The following DPH6 variants were observed in gnomAD, a reference collection of about 807,000 sequenced individuals.
DPH6 encodes diphthine--ammonia ligase.
DPH6 carries 33 observed loss-of-function variants against 38.2 expected under a neutral mutation model. The observed-to-expected ratio is 0.86, with a 90% confidence interval of 0.65 to 1.15. The LOEUF (loss-of-function observed/expected upper bound fraction) is 1.15. Among genes scored for constraint, DPH6 ranks in the 50% most tolerant of loss-of-function variants. The pLI, the probability that DPH6 is intolerant of heterozygous loss-of-function variation, is 0.00. For missense variants in DPH6, 325 were observed against 320.0 expected (o/e 1.02, Z -0.12); for synonymous variants, 108 against 103.0 (o/e 1.05, Z -0.30).
At chr15:35,311,857 T>C (rs1375063825) in intron 3 of DPH6, among the ~76,000 whole-genome samples, 1 of 152,174 alleles carries the variant, frequency 6.6e-6, no homozygotes, top group Non-Finnish European at 1.5e-5. Flanking sequence ...ATGCCAAGGA[T>C]GCTGCAGAAA....
At chr15:35,280,660 TG>T (rs2051892413) in intron 3 of DPH6, among the ~76,000 whole-genome samples, 1 of 152,208 alleles carries the variant, frequency 6.6e-6, no homozygotes, top group African/African-American at 2.4e-5. Context: ...ATATTAAAGG[TG>T]CAAATTTCAA....
chr15:35,177,049 TA>T, the DPH6 span, among the ~76,000 whole-genome samples: 1 of 152,202 alleles, frequency 6.6e-6, no homozygotes, highest in African/African-American at 2.4e-5. Flanking sequence ...CAATGAATGC[TA>T]CTATTCCACT....
At chr15:35,512,830 A>G (rs1309670176) in intron 3 of DPH6, among the ~76,000 whole-genome samples, 1 of 152,180 alleles carries the variant, frequency 6.6e-6, no homozygotes, top group Non-Finnish European at 1.5e-5. Flanking sequence ...CTTAAAAATA[A>G]TCATATACTT....
the DPH6 span, among the ~76,000 whole-genome samples, chr15:35,161,611 C>T: frequency 6.6e-6 from 1 of 151,912 alleles, no homozygotes; most frequent in Non-Finnish European, 1.5e-5. Context: ...TAAGGTTAGA[C>T]AAGGTCATGA....
chr15:35,250,790 G>C (rs73391463), intron 3 of DPH6, among the ~76,000 whole-genome samples: 1 of 152,196 alleles, frequency 6.6e-6, no homozygotes, highest in African/African-American at 2.4e-5. Context: ...TATTAGAAGT[G>C]CTTTAGCAGA....
chr15:35,488,505 G>T (rs1182852461), intron 3 of DPH6, among the ~76,000 whole-genome samples: 1 of 152,148 alleles, frequency 6.6e-6, no homozygotes, highest in African/African-American at 2.4e-5. Context: ...GAGAGCGAGT[G>T]AGCAAGAAGT....
chr15:35,236,640 CAAAAAAAA>C (rs373551575), intron 3 of DPH6, among the ~76,000 whole-genome samples: 1 of 101,726 alleles, frequency 9.8e-6, no homozygotes, highest in East Asian at 2.7e-4. Flanking sequence ...GACTCCATCT[CAAAAAAAA>C]AAAAAAGAAA....
chr15:35,173,620 A>G, the DPH6 span, among the ~76,000 whole-genome samples: 3 of 151,574 alleles, frequency 2.0e-5, no homozygotes, highest in Admixed American at 2.0e-4. Context: ...CAAACTTCTT[A>G]GCATGACTCA....
At chr15:35,301,343 C>G (rs577760791) in intron 3 of DPH6, among the ~76,000 whole-genome samples, 1 of 152,218 alleles carries the variant, frequency 6.6e-6, no homozygotes, top group East Asian at 1.9e-4. Context: ...TAACATGATG[C>G]CTTAAGAATG....
chr15:35,290,808 CTT>C (rs556815981), intron 3 of DPH6, among the ~76,000 whole-genome samples: 1 of 145,880 alleles, frequency 6.9e-6, no homozygotes. Flanking sequence ...TTGTGTGATA[CTT>C]TTTTTTTTTG....
At chr15:35,280,741 C>T (rs1429684669) in intron 3 of DPH6, among the ~76,000 whole-genome samples, 1 of 152,110 alleles carries the variant, frequency 6.6e-6, no homozygotes, top group Non-Finnish European at 1.5e-5. Context: ...AAAATTTTCT[C>T]TTTTATGTTC....
At chr15:35,308,534 T>C (rs1200432927) in intron 3 of DPH6, among the ~76,000 whole-genome samples, 1 of 152,102 alleles carries the variant, frequency 6.6e-6, no homozygotes, top group Admixed American at 6.6e-5. Flanking sequence ...AATCTCTTAA[T>C]TTAAGTGCCT....
chr15:35,262,249 G>A (rs2051751680), intron 3 of DPH6, among the ~76,000 whole-genome samples: 1 of 151,844 alleles, frequency 6.6e-6, no homozygotes, highest in Non-Finnish European at 1.5e-5. Context: ...TTTAAAAAGT[G>A]GTATCACAAT....
the DPH6 span, among the ~76,000 whole-genome samples, chr15:35,205,644 C>T: frequency 6.6e-6 from 1 of 151,782 alleles, no homozygotes; most frequent in Non-Finnish European, 1.5e-5. Context: ...TTTATATTTC[C>T]AATTGTCTTT....
At chr15:35,478,366 T>TACACACACACAC (rs66521447) in intron 3 of DPH6, among the ~76,000 whole-genome samples, 8 of 142,060 alleles carry the variant, frequency 5.6e-5, no homozygotes, top group African/African-American at 2.2e-4. Context: ...TACCCACACA[T>TACACACACACAC]ACACACACAC....
At chr15:35,200,406 G>T in the DPH6 span, among the ~76,000 whole-genome samples, 2 of 152,050 alleles carry the variant, frequency 1.3e-5, no homozygotes, top group Non-Finnish European at 2.9e-5. Flanking sequence ...TTAGATACTA[G>T]CATTGAAACT....
exon 4 of DPH6, chr15:35,219,116 G>GAC (rs2051427096): frequency 6.6e-6 from 1 of 152,130 alleles, no homozygotes; most frequent in African/African-American, 2.4e-5. Context: ...GTCACAAAGT[G>GAC]TAGTCTTCTC....
chr15:35,198,010 T>A, the DPH6 span, among the ~76,000 whole-genome samples: 1 of 152,152 alleles, frequency 6.6e-6, no homozygotes, highest in Non-Finnish European at 1.5e-5. Flanking sequence ...TAAGACCTCA[T>A]GGCACATATT....
intron 3 of DPH6, among the ~76,000 whole-genome samples, chr15:35,310,251 TCC>T (rs1372361458): frequency 3.3e-5 from 5 of 152,184 alleles, no homozygotes; most frequent in African/African-American, 1.2e-4. Context: ...CACTAGGCAT[TCC>T]CCATGCTGTC....
Sources: gnomAD v4.1 joint callset for allele counts (sites outside exome capture counted in the v4.1 genomes callset) on GRCh38, gnomAD v4.1.1 for gene constraint, MANE v1.5 for transcripts, NCBI Gene and HGNC (gene_info 2026-07-23, HGNC 2026-07-21) for gene names.